The following DSCAM variants were observed in gnomAD, a reference collection of about 807,000 sequenced individuals.
The protein encoded by DSCAM is cell adhesion molecule DSCAM.
Under a neutral mutation model 217.7 loss-of-function variants are expected in DSCAM, and 47 were observed. The ratio of observed to expected loss-of-function variants is 0.22; its 90% CI spans 0.17 to 0.28. DSCAM has a LOEUF of 0.28. DSCAM is among the 10% of genes least tolerant of loss of function. DSCAM has a pLI of 1.00. For missense variants in DSCAM, 2,080 were observed against 2,618.3 expected, an observed-to-expected ratio of 0.79 and a Z score of 4.49; for synonymous variants, 1,056 against 1,015.3, an observed-to-expected ratio of 1.04 and a Z score of -0.76.
intron 3 of DSCAM, among the ~76,000 whole-genome samples, chr21:40,401,325 A>G (rs2075231252): frequency 6.6e-6 from 1 of 152,364 alleles, no homozygotes; most frequent in East Asian, 1.9e-4. Context: ...AAAAAGTCAT[A>G]TACTCAAGGG....
chr21:40,179,127 T>G (rs1259278805), intron 14 of DSCAM, 33 bp from the exon 15 acceptor site: 2 of 1,502,350 alleles, frequency 1.3e-6, no homozygotes, highest in African/African-American at 1.6e-5. Context: ...AAAGAAGAGA[T>G]AGAGACGTGA....
At chr21:40,831,114 GCAGC>G (rs756111406) in intron 1 of DSCAM, among the ~76,000 whole-genome samples, 4 of 152,242 alleles carry the variant, frequency 2.6e-5, no homozygotes, top group Non-Finnish European at 2.9e-5. Context: ...CCACCACCTT[GCAGC>G]CAGCAGCCGA....
Position 40,404,107 on chromosome 21 carries a change from G to C in DSCAM, c.509-34862C>G, listed in dbSNP as rs140891621. Among the ~76,000 whole-genome samples, 1,082 of 152,152 alleles carry C rather than the reference G, an allele frequency of 7.1e-3. 10 individuals carry two copies. The highest frequency in any genetic ancestry group is 0.025 in the African/African-American group (1,032 of 41,518). On this transcript the variant is annotated intron_variant, in intron 3 of 32. Coordinates refer to ENST00000400454, the MANE Select transcript of DSCAM (RefSeq NM_001389.5). ...ACTCTCTTATTTCTCTCTTATTTCA[G>C]ACCTATAGCTTACACTTTTCCTGTC...
chr21:40,374,596 G>A (rs930305800), intron 3 of DSCAM, among the ~76,000 whole-genome samples: 1 of 152,188 alleles, frequency 6.6e-6, no homozygotes, highest in Non-Finnish European at 1.5e-5. Flanking sequence ...GAAAGGCTTG[G>A]GGAAAGGAGG....
At position 40,484,871 on chromosome 21, in the gene DSCAM, T is replaced by C. The variant is rs185631193; in HGVS notation, c.509-115626A>G. Among the ~76,000 whole-genome samples the C allele has an allele frequency of 5.9e-3, 903 of 152,316 alleles. 4 individuals carry two copies. Among genetic ancestry groups the C allele is most frequent in the Admixed American group, 8.4e-3 (128 of 15,294 alleles). On this transcript the variant is annotated intron_variant, in intron 3 of 32. Coordinates refer to ENST00000400454, the MANE Select transcript of DSCAM (RefSeq NM_001389.5). ...GGTAGATGCTGTCATCTATAAGTTC[T>C]TGTCTATCCCTCCTGCAGAGAATGT... is the stretch of plus-strand genomic sequence containing the variant.
chr21:40,564,443 T>C (rs372495730), intron 3 of DSCAM, among the ~76,000 whole-genome samples: 84 of 152,294 alleles, frequency 5.5e-4, no homozygotes, highest in African/African-American at 2.0e-3. Context: ...AGAGGCAGTG[T>C]TGCTTTATTT....
intron 11 of DSCAM, among the ~76,000 whole-genome samples, chr21:40,217,748 A>G (rs1287000404): frequency 1.3e-5 from 2 of 152,118 alleles, no homozygotes; most frequent in Non-Finnish European, 2.9e-5. Flanking sequence ...TTTGATTTGC[A>G]TTTCTCTAAT....
At chr21:40,805,052 C>A (rs1441024786) in intron 1 of DSCAM, among the ~76,000 whole-genome samples, 1 of 152,180 alleles carries the variant, frequency 6.6e-6, no homozygotes, top group Non-Finnish European at 1.5e-5. Flanking sequence ...AATTAGCTCA[C>A]TTCCCCCCAA....
At chr21:40,327,248 C>G (rs746192641) in intron 8 of DSCAM, among the ~76,000 whole-genome samples, 1 of 152,126 alleles carries the variant, frequency 6.6e-6, no homozygotes, top group Admixed American at 6.6e-5. Context: ...TAGTAATTTG[C>G]TTGGCATTCT....
chr21:40,659,961 G>A (rs181095737), intron 3 of DSCAM, among the ~76,000 whole-genome samples: 289 of 152,316 alleles, frequency 1.9e-3, no homozygotes, highest in African/African-American at 6.5e-3. Flanking sequence ...AAAGAGAATA[G>A]CAAATGGTGC....
chr21:40,214,226 C>A (rs909908150), intron 11 of DSCAM, among the ~76,000 whole-genome samples: 2 of 152,118 alleles, frequency 1.3e-5, no homozygotes, highest in African/African-American at 4.8e-5. Flanking sequence ...AGCCTGGCCA[C>A]TTTGGAAATA....
chr21:40,459,176 TAAATA>T (rs1255238287), intron 3 of DSCAM, among the ~76,000 whole-genome samples: 1 of 152,102 alleles, frequency 6.6e-6, no homozygotes, highest in Admixed American at 6.5e-5. Context: ...TTAGAGCTAT[TAAATA>T]AATCAAAAGT....
intron 3 of DSCAM, among the ~76,000 whole-genome samples, chr21:40,378,567 T>A (rs2074987920): frequency 1.6e-4 from 1 of 6,232 alleles, no homozygotes; most frequent in Non-Finnish European, 2.8e-4. Context: ...TTTTTTTTTT[T>A]TTTTTTTTTT....
chr21:40,311,958 TTTAGTGAGATAAAACTGA>T, intron 9 of DSCAM, 105 bp downstream of exon 9: 1 of 441,232 alleles, frequency 2.3e-6, no homozygotes, highest in Non-Finnish European at 3.5e-6. Flanking sequence ...TTTTTTTTTT[TTTAGTGAGATAAAACTGA>T]ATTTCTAAGT....
chr21:40,029,200 A>T (rs938852185), intron 32 of DSCAM, among the ~76,000 whole-genome samples: 2 of 151,354 alleles, frequency 1.3e-5, no homozygotes, highest in African/African-American at 2.4e-5. Flanking sequence ...ACCTTCTTGG[A>T]TTACTGCTTC....
intron 11 of DSCAM, among the ~76,000 whole-genome samples, chr21:40,274,457 G>A (rs921021771): frequency 2.0e-5 from 3 of 152,106 alleles, no homozygotes; most frequent in Non-Finnish European, 4.4e-5. Flanking sequence ...CCTTCATAGG[G>A]TCTTATATAT....
At chr21:40,250,446 G>A (rs80249663) in intron 11 of DSCAM, among the ~76,000 whole-genome samples, 1 of 152,316 alleles carries the variant, frequency 6.6e-6, no homozygotes, top group East Asian at 1.9e-4. Flanking sequence ...AATTTAGCTT[G>A]ATGCATCTTC....
intron 3 of DSCAM, among the ~76,000 whole-genome samples, chr21:40,433,404 C>G (rs2075554712): frequency 6.6e-6 from 1 of 150,968 alleles, no homozygotes; most frequent in Non-Finnish European, 1.5e-5. Flanking sequence ...CTGCACGGGA[C>G]CAACACAGAA....
chr21:40,276,192 T>C lies in DSCAM; in HGVS notation c.2261A>G (p.Lys754Arg). The change falls in exon 11 of 33, where the codon AAG becomes AGG. Residue 754 changes from lysine to arginine, a missense_variant. Physicochemically the swap from Lys to Arg is conservative, Grantham distance 26. Transcript: ENST00000400454. The part of the protein sequence containing the change: ...QVLSNGSLLI[K>R]HVVEEDSGYY... ...GCCACTGTCTTCCTCCACGACATGC[T>C]TGATCAGCAACGACCCATTGCTGAG... The C allele has an allele frequency of 6.2e-7, 1 of 1,613,468 alleles. No individual in the cohort carries two copies. The highest frequency in any genetic ancestry group is 1.1e-5 in the South Asian group (1 of 91,002).
Sources: allele counts gnomAD v4.1 joint callset (sites outside exome capture counted in the v4.1 genomes callset), GRCh38; gene constraint gnomAD v4.1.1; transcripts MANE v1.5; gene names NCBI Gene and HGNC (gene_info 2026-07-23, HGNC 2026-07-21).